Variants in GRIK1 observed in about 807,000 individuals in gnomAD.
The protein encoded by GRIK1 is glutamate receptor ionotropic, kainate 1.
Under a neutral mutation model 105.7 loss-of-function variants are expected in GRIK1, and 69 were observed. The ratio of observed to expected loss-of-function variants is 0.65; its 90% confidence interval spans 0.54 to 0.80. The LOEUF (loss-of-function observed/expected upper bound fraction) is 0.80, where lower values mean the gene tolerates loss of function less well. Ranked by LOEUF, GRIK1 falls within the 30% of genes least tolerant of loss-of-function variation. The probability of loss-of-function intolerance (pLI) is 0.00; values close to 1 mark genes in which losing one functional copy is unlikely to be tolerated. For synonymous variants in GRIK1, 438 were observed against 431.3 expected, an observed-to-expected ratio of 1.02 and a Z score of -0.19; for missense variants, 1,109 against 1,167.3, an observed-to-expected ratio of 0.95 and a Z score of 0.73.
At chr21:29,659,581 C>G (rs1428259673) in intron 4 of GRIK1, among the ~76,000 whole-genome samples, 1 of 152,162 alleles carries the variant, frequency 6.6e-6, no homozygotes, top group Admixed American at 6.6e-5. Context: ...GGAAATGCCA[C>G]AAGACTATTC....
intron 13 of GRIK1, among the ~76,000 whole-genome samples, chr21:29,578,330 T>C (rs2090943309): frequency 6.6e-6 from 1 of 152,210 alleles, no homozygotes; most frequent in African/African-American, 2.4e-5. Flanking sequence ...CCCTTTACTA[T>C]ACTGATAGGG....
At chr21:29,607,215 G>A (rs1017336180) in intron 7 of GRIK1, among the ~76,000 whole-genome samples, 1 of 152,108 alleles carries the variant, frequency 6.6e-6, no homozygotes, top group Admixed American at 6.6e-5. Flanking sequence ...GGTGAGAGAT[G>A]ACTGAAAACC....
intron 7 of GRIK1, among the ~76,000 whole-genome samples, chr21:29,619,176 C>A (rs34932525): frequency 1.2e-3 from 173 of 148,956 alleles, no homozygotes; most frequent in Non-Finnish European, 2.2e-3. Context: ...CGATGCCTCA[C>A]GCCTGTAGTC....
chr21:29,790,947 A>T (rs71321310), intron 1 of GRIK1, among the ~76,000 whole-genome samples: 1 of 152,220 alleles, frequency 6.6e-6, no homozygotes, highest in Non-Finnish European at 1.5e-5. Flanking sequence ...GGAAAAAAGT[A>T]AACAGGGTAA....
intron 7 of GRIK1, among the ~76,000 whole-genome samples, chr21:29,614,676 G>A (rs59381370): frequency 6.6e-6 from 1 of 151,304 alleles, no homozygotes; most frequent in East Asian, 1.9e-4. Flanking sequence ...GCCTCCCAAA[G>A]TGTTGGGATT....
chr21:29,906,104 C>A (rs1039201341), intron 1 of GRIK1, among the ~76,000 whole-genome samples: 6 of 151,912 alleles, frequency 3.9e-5, no homozygotes, highest in Admixed American at 2.0e-4. Flanking sequence ...TACAGCAATT[C>A]GTTTTTTCAA....
chr21:29,713,301 A>G (rs1023283867), intron 1 of GRIK1, among the ~76,000 whole-genome samples: 2 of 152,164 alleles, frequency 1.3e-5, no homozygotes, highest in Non-Finnish European at 2.9e-5. Flanking sequence ...TCCATATAAT[A>G]CATTCTCTAT....
At position 29,939,854 on chromosome 21, in the gene GRIK1, T is replaced by C; in HGVS notation, c.-354A>G. On this transcript the variant is annotated 5_prime_UTR_variant, in exon 1 of 18. Transcript: ENST00000327783. ...GCAGGAACGTCTCCCTCATTCGTCC[T>C]TTGGTCAGATGCAAAAGTCGGGGGA... is the stretch of plus-strand genomic sequence containing the variant. 1 of 201,916 alleles carries C rather than the reference T, an allele frequency of 5.0e-6. No homozygotes were observed. The highest frequency in any genetic ancestry group is 2.3e-5 in the African/African-American group (1 of 43,178). 12.5% of individuals were successfully genotyped at this position (201,916 alleles called of 1,614,324 possible).
chr21:29,576,897 G>A (rs371578841), intron 14 of GRIK1, 67 bp downstream of exon 14: 24 of 688,328 alleles, frequency 3.5e-5, no homozygotes, highest in East Asian at 9.0e-5. Flanking sequence ...TTTTTTTTTC[G>A]ACAGATTCTT....
At chr21:29,678,784 TG>T (rs2063320541) in intron 3 of GRIK1, among the ~76,000 whole-genome samples, 1 of 152,106 alleles carries the variant, frequency 6.6e-6, no homozygotes, top group Non-Finnish European at 1.5e-5. Context: ...AATGACACAG[TG>T]GGGTGAGTGG....
At chr21:29,715,178 T>C (rs573170745) in intron 1 of GRIK1, among the ~76,000 whole-genome samples, 1 of 152,318 alleles carries the variant, frequency 6.6e-6, no homozygotes, top group South Asian at 2.1e-4. Context: ...TGAGTTACAC[T>C]GGCTCACACT....
rs1217856804 is a variant in GRIK1, at chr21:29,848,777, A to ATT, written c.118+90605_118+90606insAA. On this transcript the variant is annotated intron_variant, in intron 1 of 17. Transcript: ENST00000327783. ...TGTGTATATATATATATATATATAT[A>ATT]TATTTTTTTTTTTTTCCACGATCTT... 3.5e-3 allele frequency among the ~76,000 whole-genome samples: 247 copies of ATT among 70,900 alleles called. 1 individual carries two copies. The highest frequency in any genetic ancestry group is 0.013 in the Middle Eastern group (1 of 78). The allele number at this position is 70,900 out of a possible 152,430, so 46.5% of individuals were successfully genotyped here. A position where few individuals can be genotyped will look rare whatever the true frequency, so the allele number is the denominator to read the frequency against.
intron 3 of GRIK1, among the ~76,000 whole-genome samples, chr21:29,674,527 A>T (rs1320720615): frequency 1.3e-5 from 2 of 151,812 alleles, no homozygotes; most frequent in Non-Finnish European, 2.9e-5. Flanking sequence ...TGTAATCCCC[A>T]TGTGTCGGGG....
chr21:29,626,763 A>C (rs943228332), intron 7 of GRIK1, among the ~76,000 whole-genome samples: 20 of 152,210 alleles, frequency 1.3e-4, no homozygotes, highest in African/African-American at 4.8e-4. Context: ...TCTAGCCTGG[A>C]AATTGTGAAG....
intron 1 of GRIK1, among the ~76,000 whole-genome samples, chr21:29,790,196 T>C (rs932970181): frequency 1.3e-5 from 2 of 152,140 alleles, no homozygotes; most frequent in African/African-American, 4.8e-5. Flanking sequence ...ACTACAGGCA[T>C]GCGCCACCAC....
At chr21:29,770,685 C>T (rs577268216) in intron 1 of GRIK1, among the ~76,000 whole-genome samples, 1 of 152,370 alleles carries the variant, frequency 6.6e-6, no homozygotes, top group East Asian at 1.9e-4. Flanking sequence ...CTTGTTCCAA[C>T]TTGCTTCAAC....
chr21:29,594,137 C>T (rs1851061010), intron 9 of GRIK1, among the ~76,000 whole-genome samples: 1 of 152,086 alleles, frequency 6.6e-6, no homozygotes. Flanking sequence ...TGCTGAGTGA[C>T]CTCAGTCTTC....
At chr21:29,854,091 G>A (rs1014545348) in intron 1 of GRIK1, among the ~76,000 whole-genome samples, 1 of 152,118 alleles carries the variant, frequency 6.6e-6, no homozygotes, top group African/African-American at 2.4e-5. Flanking sequence ...TTAGCTCACG[G>A]TTCTGCAGGC....
chr21:29,678,508 A>G (rs1375450429), intron 3 of GRIK1, among the ~76,000 whole-genome samples: 1 of 152,214 alleles, frequency 6.6e-6, no homozygotes, highest in African/African-American at 2.4e-5. Context: ...TTAAGTTTCA[A>G]CAGTAGCTAA....
Sources: gnomAD v4.1 joint callset for allele counts (sites outside exome capture counted in the v4.1 genomes callset) on GRCh38, gnomAD v4.1.1 for gene constraint, MANE v1.5 for transcripts, NCBI Gene and HGNC (gene_info 2026-07-23, HGNC 2026-07-21) for gene names.